The following HIGD1A variants were observed in gnomAD, a reference collection of about 807,000 sequenced individuals.
The protein encoded by HIGD1A is HIG1 hypoxia inducible domain family member 1A.
In HIGD1A, 8 loss-of-function variants were observed where a neutral mutation model predicts 11.3. That is an observed-to-expected ratio of 0.71 (90% CI 0.42 to 1.28). The LOEUF (loss-of-function observed/expected upper bound fraction) is 1.28, where lower values mean the gene tolerates loss of function less well. HIGD1A is among the 50% of genes most tolerant of loss of function. The probability of loss-of-function intolerance (pLI) is 0.01; values close to 1 mark genes in which losing one functional copy is unlikely to be tolerated. For missense variants in HIGD1A, 107 were observed against 118.8 expected, an observed-to-expected ratio of 0.90 and a Z score of 0.46; for synonymous variants, 32 against 38.4, an observed-to-expected ratio of 0.83 and a Z score of 0.62.
At chr3:42,804,033 T>C in intron 1 of HIGD1A, 7 of 900,026 alleles carry the variant, frequency 7.8e-6, no homozygotes, top group South Asian at 1.7e-5. Context: ...GCCTGCCGCT[T>C]AGCCCGCTCT....
intron 2 of HIGD1A, among the ~76,000 whole-genome samples, chr3:42,793,800 G>T (rs539898388): frequency 7.9e-5 from 12 of 152,190 alleles, no homozygotes; most frequent in African/African-American, 2.9e-4. Context: ...GCAAAACCCC[G>T]TGTCTATACA....
At chr3:42,803,205 C>A (rs936982834) in intron 1 of HIGD1A, among the ~76,000 whole-genome samples, 3 of 152,158 alleles carry the variant, frequency 2.0e-5, no homozygotes, top group African/African-American at 7.2e-5. Flanking sequence ...TAATTCTGTA[C>A]GCTTAGTAAG....
chr3:42,802,753 C>T (rs892082611), intron 1 of HIGD1A, among the ~76,000 whole-genome samples: 3 of 152,190 alleles, frequency 2.0e-5, no homozygotes, highest in Non-Finnish European at 4.4e-5. Flanking sequence ...TTGCTCAGTA[C>T]AAGGAATACA....
In HIGD1A at chr3:42,783,256, A is replaced by G. The variant is rs189888521; in HGVS notation, c.*2015T>C. On this transcript the variant is annotated 3_prime_UTR_variant, in exon 4 of 4. Transcript: ENST00000321331. ...AAAGTGGAAGTTCACTGATACAATAATAGTTGGGCACCAGAGTGTATCAGC... is the reference window on the plus strand; with the variant it reads ...AAAGTGGAAGTTCACTGATACAATAGTAGTTGGGCACCAGAGTGTATCAGC... Among the ~76,000 whole-genome samples, 348 of 152,366 alleles carry G rather than the reference A, an allele frequency of 2.3e-3. 3 individuals are homozygous for G. The highest frequency in any genetic ancestry group is 2.5e-3 in the East Asian group (13 of 5,186).
chr3:42,786,684 T>TG (rs1261958095), intron 2 of HIGD1A, among the ~76,000 whole-genome samples: 2 of 152,250 alleles, frequency 1.3e-5, no homozygotes, highest in African/African-American at 4.8e-5. Context: ...AAAAGGATTA[T>TG]GATCCTAGAG....
Position 42,783,901 on chromosome 3 carries a change from C to A in HIGD1A, c.*1370G>T, listed in dbSNP as rs1387101414. Reference sequence around the variant, plus strand: ...GATCAGCCTGGCCAACATGGTGAAACCTCGTCTCTACTAAATATACAAAAA... The same window carrying A: ...GATCAGCCTGGCCAACATGGTGAAAACTCGTCTCTACTAAATATACAAAAA... On this transcript the variant is annotated 3_prime_UTR_variant, in exon 4 of 4. Coordinates refer to ENST00000321331, the MANE Select transcript of HIGD1A (RefSeq NM_014056.4). Among the ~76,000 whole-genome samples, 1 of 151,930 alleles carries A rather than the reference C, an allele frequency of 6.6e-6. No homozygotes were observed. Among genetic ancestry groups the A allele is most frequent in the African/African-American group, 2.4e-5 (1 of 41,360 alleles).
intron 2 of HIGD1A, among the ~76,000 whole-genome samples, chr3:42,786,537 G>C (rs1700354153): frequency 6.6e-6 from 1 of 152,038 alleles, no homozygotes; most frequent in Non-Finnish European, 1.5e-5. Context: ...CTCCCTCAAG[G>C]TAATCAGTTA....
intron 1 of HIGD1A, among the ~76,000 whole-genome samples, chr3:42,796,698 T>C (rs953394759): frequency 6.6e-6 from 1 of 151,942 alleles, no homozygotes; most frequent in African/African-American, 2.4e-5. Flanking sequence ...GGGTTGGAGA[T>C]GAAATGGGAA....
chr3:42,795,365 C>G (rs1700482881), intron 1 of HIGD1A, among the ~76,000 whole-genome samples: 1 of 151,934 alleles, frequency 6.6e-6, no homozygotes, highest in South Asian at 2.1e-4. Flanking sequence ...ATTAGAAGTG[C>G]CTGCCACCAT....
At chr3:42,801,813 C>T (rs1283893950) in intron 1 of HIGD1A, among the ~76,000 whole-genome samples, 1 of 152,204 alleles carries the variant, frequency 6.6e-6, no homozygotes, top group Non-Finnish European at 1.5e-5. Context: ...ATGTTTTCCC[C>T]TTTTTTGCCT....
At chr3:42,787,594 AATATATATATATATAT>A (rs1163603645) in intron 2 of HIGD1A, among the ~76,000 whole-genome samples, 1 of 141,256 alleles carries the variant, frequency 7.1e-6, no homozygotes, top group African/African-American at 2.6e-5. Flanking sequence ...CCATCTCAAA[AATATATATATATATAT>A]ATATATATAT....
intron 2 of HIGD1A, among the ~76,000 whole-genome samples, chr3:42,792,514 G>C (rs997238094): frequency 2.0e-5 from 3 of 150,744 alleles, no homozygotes; most frequent in Admixed American, 6.6e-5. Flanking sequence ...TCTACTAAAA[G>C]ATAGAAAAAA....
chr3:42,790,575 A>G (rs991396158), intron 2 of HIGD1A, among the ~76,000 whole-genome samples: 5 of 152,182 alleles, frequency 3.3e-5, no homozygotes, highest in African/African-American at 9.6e-5. Context: ...AAGAAAAAAG[A>G]TTACTTTGAT....
intron 1 of HIGD1A, among the ~76,000 whole-genome samples, chr3:42,801,941 G>T (rs1259358934): frequency 6.6e-6 from 1 of 152,188 alleles, no homozygotes; most frequent in Non-Finnish European, 1.5e-5. Flanking sequence ...GAGGCAGGAG[G>T]GCTGCTTGAG....
chr3:42,784,453 A>G lies in HIGD1A; in HGVS notation c.*818T>C, dbSNP rs1700323782. 2.0e-5 allele frequency: 3 copies of G among 152,600 alleles called. No individual in the cohort carries two copies. Among genetic ancestry groups the G allele is most frequent in the South Asian group, 4.1e-4 (2 of 4,828 alleles). The allele number at this position is 152,600 out of a possible 1,614,324, so 9.5% of individuals were successfully genotyped here. A position where few individuals can be genotyped will look rare whatever the true frequency, so the allele number is the denominator to read the frequency against. The stretch of plus-strand genomic sequence containing the variant: ...ACTGTCTGGCCAAACCAGCTTGCTC[A>G]TAAGTCATTAACCAAATCCATTATA... On this transcript the variant is annotated 3_prime_UTR_variant, in exon 4 of 4. Transcript: ENST00000321331.
At chr3:42,793,207 T>G (rs1214448633) in intron 2 of HIGD1A, among the ~76,000 whole-genome samples, 2 of 152,170 alleles carry the variant, frequency 1.3e-5, no homozygotes, top group Non-Finnish European at 2.9e-5. Flanking sequence ...TTTAAACTTT[T>G]TCTTAAGATT....
intron 2 of HIGD1A, among the ~76,000 whole-genome samples, chr3:42,792,324 TATA>T (rs1478072117): frequency 6.6e-6 from 1 of 152,220 alleles, no homozygotes; most frequent in Non-Finnish European, 1.5e-5. Flanking sequence ...CCAAGAGGAT[TATA>T]ATAATGTTAT....
chr3:42,803,991 T>C lies in HIGD1A; in HGVS notation c.-23+445A>G, dbSNP rs530152182. ...TTCCTGTGACCTTGTCGTGACTCCG[T>C]GACCGGAGCGCTCGCTCTCCTATCC... On this transcript the variant is annotated intron_variant, in intron 1 of 3. Coordinates refer to ENST00000321331, the MANE Select transcript of HIGD1A (RefSeq NM_014056.4). Among the ~76,000 whole-genome samples, 4 of 152,322 alleles carry C rather than the reference T, an allele frequency of 2.6e-5. No homozygotes were observed. The South Asian group carries it at 8.3e-4, about 32-fold the overall frequency.
intron 2 of HIGD1A, among the ~76,000 whole-genome samples, chr3:42,792,455 C>T (rs1448645091): frequency 3.3e-5 from 5 of 151,180 alleles, no homozygotes; most frequent in Admixed American, 6.6e-5. Context: ...GGGCGGATCA[C>T]AAGATCAGGA....
Sources: gnomAD v4.1 joint callset for allele counts (sites outside exome capture counted in the v4.1 genomes callset) on GRCh38, gnomAD v4.1.1 for gene constraint, MANE v1.5 for transcripts, NCBI Gene and HGNC (gene_info 2026-07-23, HGNC 2026-07-21) for gene names.